The following METTL25 variants were observed in gnomAD, a reference collection of about 807,000 sequenced individuals.
METTL25 encodes the protein methyltransferase like 25.
In METTL25, 64 loss-of-function variants were observed where a neutral mutation model predicts 71.6. That is an observed-to-expected ratio of 0.89 (90% confidence interval 0.73 to 1.10). METTL25 has a LOEUF of 1.10. Ranked by LOEUF, METTL25 falls within the 50% of genes least tolerant of loss-of-function variation. METTL25 has a pLI of 0.00. For synonymous variants in METTL25, 287 were observed against 250.3 expected (o/e 1.15, Z -1.38); for missense variants, 807 against 707.0 (o/e 1.14, Z -1.60).
chr12:82,460,010 C>T (rs973035113), intron 9 of METTL25: 3 of 152,214 alleles, frequency 2.0e-5, no homozygotes, highest in African/African-American at 4.8e-5. Flanking sequence ...TTCACCTTCA[C>T]ATCCACTTAC....
At position 82,398,919 on chromosome 12, in the gene METTL25, A is replaced by G. The variant is rs771952491; in HGVS notation, c.656A>G (p.Lys219Arg). ...CATGGAGCTGAGGAGAGAAACAGAA[A>G]ATTGAAGAAACATTGGAAACTCTGT... ...NTHGAEERNR[K>R]LKKHWKLCHA... The change falls in exon 4 of 12, where the codon AAA becomes AGA. Residue 219 changes from lysine to arginine, a missense_variant. Physicochemically the swap from Lys to Arg is conservative, Grantham distance 26. Transcript: ENST00000248306. 6.2e-6 allele frequency: 10 copies of G among 1,612,624 alleles called. No homozygotes were observed. The East Asian group carries it at 1.8e-4, about 29-fold the overall frequency.
At chr12:82,384,703 C>T (rs1468392825) in intron 1 of METTL25, among the ~76,000 whole-genome samples, 1 of 151,816 alleles carries the variant, frequency 6.6e-6, no homozygotes, top group Non-Finnish European at 1.5e-5. Flanking sequence ...AGGAAATTAA[C>T]AGCATTTAAT....
At chr12:82,437,258 A>G (rs543254595) in intron 7 of METTL25, among the ~76,000 whole-genome samples, 62 of 151,796 alleles carry the variant, frequency 4.1e-4, no homozygotes, top group African/African-American at 1.4e-3. Context: ...AAAAGTTACA[A>G]ATTTTAGTGT....
chr12:82,404,949 GA>G (rs11333059), intron 5 of METTL25, among the ~76,000 whole-genome samples: 127,927 of 146,570 alleles, frequency 0.87, 56,041 homozygotes, highest in East Asian at 1. Context: ...CATCTCAAAA[GA>G]AAAAAAAAAA....
intron 11 of METTL25, among the ~76,000 whole-genome samples, chr12:82,478,204 A>G (rs1892989708): frequency 6.6e-6 from 1 of 151,872 alleles, no homozygotes; most frequent in South Asian, 2.1e-4. Flanking sequence ...TACCTATTTT[A>G]CTAGATTCTC....
intron 5 of METTL25, among the ~76,000 whole-genome samples, chr12:82,422,136 C>A (rs189396802): frequency 0.013 from 1,985 of 152,194 alleles, 13 homozygotes; most frequent in Middle Eastern, 0.027. Flanking sequence ...AACATCAATG[C>A]AAAAATCCTC....
At chr12:82,456,651 T>C (rs1483775375) in intron 8 of METTL25, 76 bp from the exon 9 acceptor site, 1 of 748,246 alleles carries the variant, frequency 1.3e-6, no homozygotes, top group Non-Finnish European at 2.2e-6. Flanking sequence ...TATTTAAAAA[T>C]ATTTCATGAT....
intron 6 of METTL25, among the ~76,000 whole-genome samples, chr12:82,431,545 A>G (rs775457801): frequency 2.0e-5 from 3 of 151,666 alleles, no homozygotes; most frequent in Non-Finnish European, 4.4e-5. Context: ...AGTACAACGT[A>G]AGGACTATAG....
intron 6 of METTL25, among the ~76,000 whole-genome samples, chr12:82,431,997 C>G (rs1361062847): frequency 6.6e-6 from 1 of 151,588 alleles, no homozygotes; most frequent in Admixed American, 6.6e-5. Context: ...ATGCATATCA[C>G]TTTTGCACTA....
At chr12:82,478,421 A>G (rs1490155677) in intron 11 of METTL25, among the ~76,000 whole-genome samples, 2 of 151,828 alleles carry the variant, frequency 1.3e-5, no homozygotes, top group Non-Finnish European at 3.0e-5. Flanking sequence ...AAGAGTAGTC[A>G]TAATCCTACC....
At chr12:82,453,110 T>C (rs1245935859) in intron 8 of METTL25, among the ~76,000 whole-genome samples, 1 of 152,214 alleles carries the variant, frequency 6.6e-6, no homozygotes, top group Non-Finnish European at 1.5e-5. Flanking sequence ...CTGATGAGTT[T>C]GGGCAATAAG....
At chr12:82,410,465 A>T (rs1592675884) in intron 5 of METTL25, among the ~76,000 whole-genome samples, 1 of 152,242 alleles carries the variant, frequency 6.6e-6, no homozygotes, top group East Asian at 1.9e-4. Context: ...ATATTGAGGA[A>T]TAAAGCATCA....
intron 7 of METTL25, chr12:82,438,512 C>CTTT (rs58370071): frequency 5.8e-4 from 123 of 212,234 alleles, no homozygotes; most frequent in Non-Finnish European, 8.4e-4. Flanking sequence ...TTTATGGTTT[C>CTTT]TTTTTTTTTT....
At chr12:82,373,197 G>C (rs1343568474) in intron 1 of METTL25, among the ~76,000 whole-genome samples, 2 of 152,068 alleles carry the variant, frequency 1.3e-5, no homozygotes, top group East Asian at 3.9e-4. Context: ...CAAAAATGAA[G>C]TGGAGGGCCA....
At chr12:82,414,617 C>T (rs752383455) in intron 5 of METTL25, among the ~76,000 whole-genome samples, 2 of 151,974 alleles carry the variant, frequency 1.3e-5, no homozygotes, top group Non-Finnish European at 2.9e-5. Flanking sequence ...AATATGTCCA[C>T]TTAAAAGAAG....
chr12:82,377,436 T>C (rs899465784), intron 1 of METTL25, among the ~76,000 whole-genome samples: 1 of 152,224 alleles, frequency 6.6e-6, no homozygotes, highest in East Asian at 1.9e-4. Flanking sequence ...TTAAATTATT[T>C]CTAGTTTTTT....
intron 6 of METTL25, among the ~76,000 whole-genome samples, chr12:82,432,896 G>A (rs978492834): frequency 6.7e-5 from 10 of 150,030 alleles, no homozygotes; most frequent in Non-Finnish European, 1.2e-4. Context: ...TACTTTGCTG[G>A]GTTTTCTGGG....
chr12:82,422,984 G>T (rs373220100), intron 5 of METTL25, among the ~76,000 whole-genome samples: 5 of 152,096 alleles, frequency 3.3e-5, no homozygotes, highest in African/African-American at 1.2e-4. Flanking sequence ...AGGTAATTTA[G>T]AGATTCATTG....
At position 82,418,455 on chromosome 12, in the gene METTL25, T is replaced by C. The variant is rs149984741; in HGVS notation, c.1280-12438T>C. 2.6e-3 allele frequency among the ~76,000 whole-genome samples: 389 copies of C among 152,258 alleles called. 2 individuals are homozygous for C. Among genetic ancestry groups the C allele is most frequent in the African/African-American group, 8.8e-3 (364 of 41,554 alleles). ...GTAGCCACCTCCCGTTGCTATTTCA[T>C]TGAGGTCAAATGTTTGAAATACCCA... is the stretch of plus-strand genomic sequence containing the variant. On this transcript the variant is annotated intron_variant, in intron 5 of 11. Coordinates refer to ENST00000248306, the MANE Select transcript of METTL25 (RefSeq NM_032230.3).
Sources: gnomAD v4.1 joint callset for allele counts (sites outside exome capture counted in the v4.1 genomes callset) on GRCh38, gnomAD v4.1.1 for gene constraint, MANE v1.5 for transcripts, NCBI Gene and HGNC (gene_info 2026-07-23, HGNC 2026-07-21) for gene names.